The following ALG5 variants were observed in gnomAD, a reference collection of about 807,000 sequenced individuals.
ALG5 encodes dolichyl-phosphate beta-glucosyltransferase.
ALG5 carries 26 observed loss-of-function variants against 51.8 expected under a neutral mutation model. The observed-to-expected ratio is 0.50, with a 90% CI of 0.37 to 0.70. ALG5 has a LOEUF of 0.70. Among genes scored for constraint, ALG5 ranks in the 30% least tolerant of loss-of-function variants. The probability of loss-of-function intolerance (pLI) is 0.00; values close to 1 mark genes in which losing one functional copy is unlikely to be tolerated. For synonymous variants in ALG5, 141 were observed against 136.1 expected (o/e 1.04, Z -0.25); for missense variants, 311 against 399.3 (o/e 0.78, Z 1.88).
intron 4 of ALG5, among the ~76,000 whole-genome samples, chr13:36,990,350 C>A (rs2059020426): frequency 6.6e-6 from 1 of 152,204 alleles, no homozygotes; most frequent in Admixed American, 6.5e-5. Context: ...GTACCCTCTC[C>A]TTTGACAACC....
At chr13:36,952,989 T>C (rs2058824930) in intron 8 of ALG5, 3 of 157,410 alleles carry the variant, frequency 1.9e-5, no homozygotes, top group African/African-American at 4.8e-5. Flanking sequence ...AAAACAAAAC[T>C]CTGAGATGCT....
chr13:36,988,577 C>T, intron 5 of ALG5, among the ~76,000 whole-genome samples: 1 of 152,220 alleles, frequency 6.6e-6, no homozygotes, highest in Non-Finnish European at 1.5e-5. Context: ...TACCTCTTAT[C>T]ATCTGATAAC....
In ALG5 at chr13:36,970,398, G is replaced by A. The variant is rs971328196; in HGVS notation, c.621+1579C>T. ...GGAGGCCAAGGAGGGCAGATGATGA[G>A]GTCAGGAGTTCGAGACCAAATGGTG... On this transcript the variant is annotated intron_variant, in intron 7 of 9. Transcript: ENST00000239891. 2.7e-5 allele frequency among the ~76,000 whole-genome samples: 4 copies of A among 150,478 alleles called. No homozygotes were observed. In the South Asian group the frequency reaches 8.5e-4, roughly 32 times the overall value.
chr13:36,972,811 C>G (rs769724544), intron 6 of ALG5, among the ~76,000 whole-genome samples: 97 of 151,782 alleles, frequency 6.4e-4, no homozygotes, highest in Non-Finnish European at 1.2e-3. Flanking sequence ...GCTAACACAG[C>G]GAAACCCCGT....
At chr13:36,997,930 C>G (rs766012364) in intron 1 of ALG5, among the ~76,000 whole-genome samples, 2 of 152,046 alleles carry the variant, frequency 1.3e-5, no homozygotes, top group Non-Finnish European at 2.9e-5. Flanking sequence ...TTTGAGTACA[C>G]GAGCTCATTT....
At chr13:36,961,718 T>C (rs2058867786) in intron 8 of ALG5, among the ~76,000 whole-genome samples, 1 of 152,206 alleles carries the variant, frequency 6.6e-6, no homozygotes, top group Admixed American at 6.5e-5. Flanking sequence ...TAATTTATAT[T>C]AATATTTGAA....
intron 1 of ALG5, among the ~76,000 whole-genome samples, chr13:36,996,707 T>C (rs1014671659): frequency 3.3e-5 from 5 of 152,242 alleles, no homozygotes; most frequent in African/African-American, 7.2e-5. Flanking sequence ...TTGCGTTTTA[T>C]ATGTATGAAA....
chr13:36,996,705 T>G (rs1475644342), intron 1 of ALG5, among the ~76,000 whole-genome samples: 1 of 152,240 alleles, frequency 6.6e-6, no homozygotes, highest in Non-Finnish European at 1.5e-5. Flanking sequence ...TTTTGCGTTT[T>G]ATATGTATGA....
intron 9 of ALG5, among the ~76,000 whole-genome samples, chr13:36,950,766 T>A (rs919607943): frequency 3.9e-5 from 6 of 151,974 alleles, no homozygotes; most frequent in African/African-American, 1.2e-4. Flanking sequence ...ACAATTTTTT[T>A]ATAGAGATGA....
intron 4 of ALG5, among the ~76,000 whole-genome samples, chr13:36,990,715 A>G (rs1189642190): frequency 6.6e-6 from 1 of 151,440 alleles, no homozygotes; most frequent in Non-Finnish European, 1.5e-5. Flanking sequence ...CTCAGTCTAC[A>G]TTCCTTGCTG....
At chr13:36,958,431 A>C (rs1485552509) in intron 8 of ALG5, among the ~76,000 whole-genome samples, 1 of 152,166 alleles carries the variant, frequency 6.6e-6, no homozygotes, top group Non-Finnish European at 1.5e-5. Context: ...TAAAACTACA[A>C]GTGGTTCTTC....
At chr13:36,997,194 C>T (rs991688571) in intron 1 of ALG5, among the ~76,000 whole-genome samples, 6 of 151,966 alleles carry the variant, frequency 3.9e-5, no homozygotes, top group African/African-American at 7.3e-5. Context: ...GGAAAAAGGC[C>T]GGGCGCGGTG....
chr13:36,998,001 A>T (rs2059059361), intron 1 of ALG5, among the ~76,000 whole-genome samples: 1 of 152,238 alleles, frequency 6.6e-6, no homozygotes, highest in Admixed American at 6.5e-5. Flanking sequence ...TCACAGTGTT[A>T]AAGATTTAAT....
chr13:36,995,638 G>A, intron 1 of ALG5, 42 bp from the exon 2 acceptor site: 2 of 1,560,202 alleles, frequency 1.3e-6, no homozygotes, highest in African/African-American at 1.4e-5. Flanking sequence ...CAGAAATTAT[G>A]TTTTGCTGAC....
At chr13:36,952,927 GGACTA>G (rs2058824718) in intron 8 of ALG5, 1 of 176,254 alleles carries the variant, frequency 5.7e-6, no homozygotes. Context: ...AACCTTAACT[GGACTA>G]GCTCAAGGTA....
intron 7 of ALG5, among the ~76,000 whole-genome samples, chr13:36,969,731 C>A (rs111675216): frequency 0.066 from 9,960 of 151,922 alleles, 719 homozygotes; most frequent in African/African-American, 0.18. Context: ...GATGAGGTTT[C>A]ACCATGTTGG....
chr13:36,986,376 T>C (rs9594184), intron 5 of ALG5, among the ~76,000 whole-genome samples: 7,410 of 152,294 alleles, frequency 0.049, 327 homozygotes, highest in African/African-American at 0.12. Context: ...TATGGCTCCA[T>C]GAGTGCATAT....
chr13:36,970,587 T>TA (rs1423794458), intron 7 of ALG5, among the ~76,000 whole-genome samples: 4 of 138,474 alleles, frequency 2.9e-5, no homozygotes, highest in African/African-American at 1.1e-4. Context: ...GTGACAGAGT[T>TA]AGACTCTGTC....
chr13:36,985,106 T>C (rs1010537820), intron 6 of ALG5, among the ~76,000 whole-genome samples: 1 of 151,544 alleles, frequency 6.6e-6, no homozygotes, highest in Admixed American at 6.6e-5. Flanking sequence ...ATCCTGAGCG[T>C]TTGCCAAATT....
Sources: allele counts gnomAD v4.1 joint callset (sites outside exome capture counted in the v4.1 genomes callset), GRCh38; gene constraint gnomAD v4.1.1; transcripts MANE v1.5; gene names NCBI Gene and HGNC (gene_info 2026-07-23, HGNC 2026-07-21).